Variants in CLDN11 observed in about 807,000 individuals in gnomAD.
CLDN11 encodes the protein claudin-11.
In CLDN11, 1 loss-of-function variant was observed where a neutral mutation model predicts 18.0. The observed-to-expected ratio is 0.06, with a 90% confidence interval of 0.02 to 0.26. The LOEUF is 0.26. Ranked by LOEUF, CLDN11 falls within the 10% of genes least tolerant of loss-of-function variation. The probability of loss-of-function intolerance (pLI) is 1.00; values close to 1 mark genes in which losing one functional copy is unlikely to be tolerated. For synonymous variants in CLDN11, 116 were observed against 121.5 expected, an observed-to-expected ratio of 0.96 and a Z score of 0.30; for missense variants, 172 against 276.6, an observed-to-expected ratio of 0.62 and a Z score of 2.68.
chr3:170,432,108 C>T (rs1739015780), intron 2 of CLDN11, among the ~76,000 whole-genome samples: 1 of 152,070 alleles, frequency 6.6e-6, no homozygotes, highest in African/African-American at 2.4e-5. Flanking sequence ...AAGACATGGA[C>T]CCTACCTTCA....
intron 2 of CLDN11, among the ~76,000 whole-genome samples, chr3:170,427,393 G>A (rs562479547): frequency 6.6e-6 from 1 of 152,102 alleles, no homozygotes; most frequent in Non-Finnish European, 1.5e-5. Flanking sequence ...AGGCTGAGGT[G>A]GGTGGATCAC....
At position 170,419,059 on chromosome 3, in the gene CLDN11, C is replaced by T; in HGVS notation, c.-8C>T. The stretch of plus-strand genomic sequence containing the variant: ...GGGGCGAGGCACGGGGACATCCTGG[C>T]GGCCACCATGGTGGCCACGTGCCTG... On this transcript the variant is annotated 5_prime_UTR_variant, in exon 1 of 3. Transcript: ENST00000064724. This position sits in a 1 kb window ranked among gnomAD's most constrained non-coding sequence, Gnocchi z 8.6. 2.0e-6 allele frequency: 3 copies of T among 1,538,270 alleles called. No individual in the cohort carries two copies. Among genetic ancestry groups the T allele is most frequent in the South Asian group, 2.4e-5 (2 of 83,740 alleles).
chr3:170,423,001 G>T, intron 1 of CLDN11, 162 bp from the exon 2 acceptor site: 1 of 742,138 alleles, frequency 1.3e-6, no homozygotes. Flanking sequence ...TGTTTTAAAA[G>T]TTAAAAAGTG....
chr3:170,430,376 G>A (rs73038386), intron 2 of CLDN11, among the ~76,000 whole-genome samples: 1,836 of 152,254 alleles, frequency 0.012, 49 homozygotes, highest in African/African-American at 0.042. Flanking sequence ...TAGAAAGGGA[G>A]GTTTCACGTA....
intron 2 of CLDN11, among the ~76,000 whole-genome samples, chr3:170,431,060 A>G (rs1010493002): frequency 2.0e-5 from 3 of 152,114 alleles, no homozygotes; most frequent in Non-Finnish European, 2.9e-5. Context: ...ATAAAAATCT[A>G]TGTTACAAGC....
chr3:170,429,403 T>C (rs1351104089), intron 2 of CLDN11, among the ~76,000 whole-genome samples: 2 of 152,200 alleles, frequency 1.3e-5, no homozygotes, highest in African/African-American at 4.8e-5. Flanking sequence ...AGGTCAGTGA[T>C]GAGCTTGCGA....
chr3:170,419,473 G>T lies in CLDN11; in HGVS notation c.226+181G>T, dbSNP rs765259314. On this transcript the variant is annotated intron_variant, in intron 1 of 2. Coordinates refer to ENST00000064724, the MANE Select transcript of CLDN11 (RefSeq NM_005602.6). The surrounding 1 kb of genome is among the most constrained non-coding windows in gnomAD (Gnocchi z 8.6). ...GCCCCGAACTTAACTTCTCTAGGCCGCAGTATTCTTATCTGGAATTTGAGA... is the reference window on the plus strand; with the variant it reads ...GCCCCGAACTTAACTTCTCTAGGCCTCAGTATTCTTATCTGGAATTTGAGA... 8.5e-5 allele frequency among the ~76,000 whole-genome samples: 13 copies of T among 152,218 alleles called. No individual in the cohort carries two copies. The highest frequency in any genetic ancestry group is 1.8e-4 in the Non-Finnish European group (12 of 68,030).
chr3:170,421,966 A>G (rs550208952), intron 1 of CLDN11, among the ~76,000 whole-genome samples: 3 of 152,256 alleles, frequency 2.0e-5, no homozygotes, highest in South Asian at 2.1e-4. Context: ...GCACTGTGTT[A>G]ACTCCGTGAA....
chr3:170,424,033 AAAAAAG>A (rs200638153), intron 2 of CLDN11, among the ~76,000 whole-genome samples: 8,672 of 148,456 alleles, frequency 0.058, 616 homozygotes, highest in African/African-American at 0.18. Context: ...CAAAAAAAAA[AAAAAAG>A]AAAAAGAAAA....
rs1577474564 is a variant in CLDN11 at position 170,432,932 on chromosome 3, G to A, written c.*176G>A. 3.2e-6 allele frequency: 2 copies of A among 626,538 alleles called. No individual in the cohort carries two copies. Among genetic ancestry groups the A allele is most frequent in the Non-Finnish European group, 5.5e-6 (2 of 361,174 alleles). The allele number at this position is 626,538 out of a possible 1,614,324, so 38.8% of individuals were successfully genotyped here. A position where few individuals can be genotyped will look rare whatever the true frequency, so the allele number is the denominator to read the frequency against. On this transcript the variant is annotated 3_prime_UTR_variant, in exon 3 of 3. Transcript: ENST00000064724. ...CTTCTCCCCATTTCCCCCATCTTTT[G>A]GTTGCCTTAAAAGAAATCTCTAGCT...
intron 2 of CLDN11, 38 bp downstream of exon 2, chr3:170,423,365 G>C (rs751499296): frequency 6.3e-7 from 1 of 1,598,412 alleles, no homozygotes; most frequent in East Asian, 2.2e-5. Context: ...ACCTATGAGG[G>C]AGCCTGATGA....
At chr3:170,428,017 C>G (rs74493827) in intron 2 of CLDN11, among the ~76,000 whole-genome samples, 1,820 of 151,504 alleles carry the variant, frequency 0.012, 47 homozygotes, top group African/African-American at 0.042. Context: ...GTTAGGCCAG[C>G]CTGGTGGTGT....
intron 1 of CLDN11, among the ~76,000 whole-genome samples, chr3:170,420,481 C>T (rs753729873): frequency 6.6e-6 from 1 of 152,194 alleles, no homozygotes; most frequent in African/African-American, 2.4e-5. Context: ...CTGAATCCCT[C>T]CTTTCTCCTT....
intron 2 of CLDN11, among the ~76,000 whole-genome samples, chr3:170,429,346 C>T: frequency 6.6e-6 from 1 of 152,108 alleles, no homozygotes; most frequent in East Asian, 1.9e-4. Context: ...TGCTGGCACT[C>T]ATTTGCCTTG....
In CLDN11 at chr3:170,432,590, G is replaced by A. The variant is rs747395156; in HGVS notation, c.458G>A (p.Ser153Asn). 1 of 1,614,170 alleles carries A rather than the reference G, an allele frequency of 6.2e-7. No individual in the cohort carries two copies. Among genetic ancestry groups the A allele is most frequent in the Non-Finnish European group, 8.5e-7 (1 of 1,180,038 alleles). Reference sequence around the variant, plus strand: ...GCCCACCGTGAGACCACCATCGTGAGCTTTGGCTACTCCCTGTATGCAGGC... The same window carrying A: ...GCCCACCGTGAGACCACCATCGTGAACTTTGGCTACTCCCTGTATGCAGGC... ...VCAHRETTIVSFGYSLYAGWI... is the reference protein window; with the variant it reads ...VCAHRETTIVNFGYSLYAGWI... Residue 153 changes from serine (S) to asparagine (N), a missense_variant, in exon 3 of 3, where the codon AGC (serine) becomes AAC (asparagine). This residue lies in a region of CLDN11 where 161 missense variants were observed against 240.3 expected (regional missense o/e 0.67). Transcript: ENST00000064724.
In CLDN11 at chr3:170,423,191, G is replaced by T. The variant is rs775961416; in HGVS notation, c.255G>T (p.Met85Ile). ...PGYVQACRALMIAASVLGLPA... is the reference protein window; with the variant it reads ...PGYVQACRALIIAASVLGLPA... ...ACGTGCAGGCCTGCCGCGCCCTGAT[G>T]ATTGCTGCCTCGGTCCTGGGTCTGC... The change falls in exon 2 of 3, where the codon ATG becomes ATT. Residue 85 changes from methionine (M) to isoleucine (I), a missense_variant. Met to Ile is a conservative substitution (Grantham distance 10). Around this residue, in one of 3 missense-constraint regions of CLDN11, gnomAD observed 161 missense variants for 240.3 expected, o/e 0.67. Coordinates refer to ENST00000064724, the MANE Select transcript of CLDN11 (RefSeq NM_005602.6). 1 of 1,614,108 alleles carries T rather than the reference G, an allele frequency of 6.2e-7. No individual in the cohort carries two copies. The highest frequency in any genetic ancestry group is 8.5e-7 in the Non-Finnish European group (1 of 1,180,046).
At chr3:170,428,688 A>C (rs1738923450) in intron 2 of CLDN11, among the ~76,000 whole-genome samples, 1 of 152,210 alleles carries the variant, frequency 6.6e-6, no homozygotes, top group Non-Finnish European at 1.5e-5. Flanking sequence ...TTCCAACAAC[A>C]AATGGTACCC....
chr3:170,421,158 G>GT (rs1163063861), intron 1 of CLDN11: 2 of 292,616 alleles, frequency 6.8e-6, no homozygotes, highest in Non-Finnish European at 9.9e-6. Flanking sequence ...GGGGTGGGGG[G>GT]GGGGTGGGGG....
chr3:170,431,473 G>C (rs1017652883), intron 2 of CLDN11, among the ~76,000 whole-genome samples: 1 of 152,048 alleles, frequency 6.6e-6, no homozygotes, highest in East Asian at 1.9e-4. Flanking sequence ...AGCTACATGT[G>C]GCCATTTAAA....
Sources: gnomAD v4.1 joint callset for allele counts (sites outside exome capture counted in the v4.1 genomes callset) on GRCh38, gnomAD v4.1.1 for gene constraint, gnomAD v4.1.1 regional missense constraint, Gnocchi (gnomAD v3.1) non-coding constraint, MANE v1.5 for transcripts, NCBI Gene and HGNC (gene_info 2026-07-23, HGNC 2026-07-21) for gene names.